The following MYOF variants were observed in gnomAD, a reference collection of about 807,000 sequenced individuals.
The protein encoded by MYOF is myoferlin.
MYOF carries 244 observed loss-of-function variants against 284.2 expected under a neutral mutation model. The ratio of observed to expected loss-of-function variants is 0.86; its 90% confidence interval spans 0.77 to 0.95. The LOEUF (loss-of-function observed/expected upper bound fraction) is 0.95. MYOF is among the 40% of genes least tolerant of loss of function. The pLI is 0.00. For synonymous variants in MYOF, 904 were observed against 919.7 expected (o/e 0.98, Z 0.31); for missense variants, 2,496 against 2,560.6 (o/e 0.97, Z 0.54).
intron 1 of MYOF, among the ~76,000 whole-genome samples, chr10:93,466,867 A>T (rs2057020285): frequency 6.6e-6 from 1 of 152,038 alleles, no homozygotes; most frequent in African/African-American, 2.4e-5. Flanking sequence ...CCAATTACTC[A>T]CTTAGGAGGC....
chr10:93,321,566 A>G (rs889422880), intron 48 of MYOF, among the ~76,000 whole-genome samples: 1 of 151,998 alleles, frequency 6.6e-6, no homozygotes, highest in African/African-American at 2.4e-5. Context: ...TTTGACTATT[A>G]ACTTTTAAGG....
intron 29 of MYOF, among the ~76,000 whole-genome samples, chr10:93,358,967 AT>A (rs1358487810): frequency 2.6e-5 from 4 of 152,148 alleles, no homozygotes; most frequent in Non-Finnish European, 5.9e-5. Context: ...AGACTCATTC[AT>A]TCATTAGCTC....
intron 7 of MYOF, among the ~76,000 whole-genome samples, chr10:93,408,316 G>T (rs1399917843): frequency 6.6e-6 from 1 of 152,234 alleles, no homozygotes; most frequent in East Asian, 1.9e-4. Context: ...TTGTTGGCGG[G>T]TGGATCACTT....
Position 93,316,582 on chromosome 10 carries a change from T to A in MYOF, c.5698+132A>T, listed in dbSNP as rs936380779. On this transcript the variant is annotated intron_variant, in intron 50 of 53. Transcript: ENST00000359263. ...AGAGCTCACACAAGCACTGGGTGTATCCCCTGTCCCCCCACCAGGCCCCCA... is the reference window on the plus strand; with the variant it reads ...AGAGCTCACACAAGCACTGGGTGTAACCCCTGTCCCCCCACCAGGCCCCCA... The A allele has an allele frequency of 5.3e-6, 4 of 752,112 alleles. No homozygotes were observed. In the African/African-American group the frequency reaches 7.0e-5, roughly 13 times the overall value. 46.6% of individuals were successfully genotyped at this position (752,112 alleles called of 1,614,324 possible). A position where few individuals can be genotyped will look rare whatever the true frequency, so the allele number is the denominator to read the frequency against.
In MYOF at chr10:93,373,100, T is replaced by C; in HGVS notation, c.2302-15A>G. 1 of 1,614,068 alleles carries C rather than the reference T, an allele frequency of 6.2e-7. No homozygotes were observed. The highest frequency in any genetic ancestry group is 8.5e-7 in the Non-Finnish European group (1 of 1,179,970). ...CTGTTCTGTGGCTGGTCATGAGGATTGGATGGAAGAGGAAGCACAGCCATG... is the reference window on the plus strand; with the variant it reads ...CTGTTCTGTGGCTGGTCATGAGGATCGGATGGAAGAGGAAGCACAGCCATG... On this transcript the variant is annotated splice_polypyrimidine_tract_variant and intron_variant, in intron 23 of 53. Coordinates refer to ENST00000359263, the MANE Select transcript of MYOF (RefSeq NM_013451.4).
intron 25 of MYOF, among the ~76,000 whole-genome samples, chr10:93,369,325 A>C (rs1845480721): frequency 6.6e-6 from 1 of 151,924 alleles, no homozygotes; most frequent in South Asian, 2.1e-4. Context: ...ATTATTACAG[A>C]GTTCTAGTTT....
intron 26 of MYOF, among the ~76,000 whole-genome samples, chr10:93,364,526 C>T (rs1845235301): frequency 6.6e-6 from 1 of 152,136 alleles, no homozygotes; most frequent in East Asian, 1.9e-4. Context: ...CATGAAGCCA[C>T]ATGTGGCTTG....
chr10:93,444,654 T>A (rs770061085), intron 3 of MYOF, among the ~76,000 whole-genome samples: 1 of 152,246 alleles, frequency 6.6e-6, no homozygotes, highest in Non-Finnish European at 1.5e-5. Context: ...TTTACATCTA[T>A]TGCAGTTTGA....
chr10:93,398,248 G>A (rs1019131371), intron 13 of MYOF, among the ~76,000 whole-genome samples: 13 of 152,030 alleles, frequency 8.6e-5, no homozygotes, highest in African/African-American at 3.1e-4. Flanking sequence ...CTCCCTGCCT[G>A]GATGCCTCCC....
intron 3 of MYOF, among the ~76,000 whole-genome samples, chr10:93,438,428 C>T (rs2056138266): frequency 6.6e-6 from 1 of 152,190 alleles, no homozygotes; most frequent in Non-Finnish European, 1.5e-5. Context: ...AAAATCCCCG[C>T]AAAGGGCTGC....
chr10:93,465,532 TC>T (rs2056985532), intron 1 of MYOF, among the ~76,000 whole-genome samples: 10 of 72,448 alleles, frequency 1.4e-4, no homozygotes, highest in Admixed American at 1.7e-4. Context: ...TTCTTTTTTT[TC>T]TTTTCTTTTT....
chr10:93,454,719 T>G (rs1200875740), intron 2 of MYOF, among the ~76,000 whole-genome samples: 2 of 152,108 alleles, frequency 1.3e-5, no homozygotes, highest in African/African-American at 4.8e-5. Flanking sequence ...GGCTGACGCC[T>G]GTAAACTCAG....
In MYOF at chr10:93,452,051, T is replaced by G; in HGVS notation, c.235A>C (p.Lys79Gln). ...GAAAAACAGGTGAAAACAACTTACT[T>G]ATTTTGTCCAATTGTCTCAAAATCT... Reference protein sequence around the residue: ...VKDFETIGQNKLIGTATVALK... With the variant: ...VKDFETIGQNQLIGTATVALK... Residue 79 changes from lysine to glutamine, a missense_variant and splice_region_variant, in exon 3 of 54, where the codon AAA (lysine) becomes CAA (glutamine). Lys to Gln is a moderately conservative substitution (Grantham distance 53). This residue lies in a region of MYOF where 2,436 missense variants were observed against 2,480.7 expected (regional missense o/e 0.98). Transcript: ENST00000359263. The G allele has an allele frequency of 6.2e-7, 1 of 1,604,872 alleles. No individual in the cohort carries two copies.
intron 1 of MYOF, chr10:93,478,437 G>T: frequency 6.2e-6 from 1 of 160,138 alleles, no homozygotes; most frequent in Non-Finnish European, 1.4e-5. Context: ...CTACACCTGC[G>T]CTGCTGAACA....
intron 5 of MYOF, among the ~76,000 whole-genome samples, chr10:93,418,056 C>T (rs1211203187): frequency 6.6e-6 from 1 of 152,182 alleles, no homozygotes; most frequent in Non-Finnish European, 1.5e-5. Flanking sequence ...CCTGCCTCGG[C>T]CTCCCAAAGT....
intron 53 of MYOF, among the ~76,000 whole-genome samples, chr10:93,307,646 C>T (rs1295117340): frequency 4.4e-4 from 63 of 141,640 alleles, no homozygotes; most frequent in African/African-American, 1.6e-3. Context: ...TTTTTTGAGA[C>T]GGAGTTTTGC....
At chr10:93,441,714 C>T (rs1306216420) in intron 3 of MYOF, among the ~76,000 whole-genome samples, 1 of 151,928 alleles carries the variant, frequency 6.6e-6, no homozygotes, top group Non-Finnish European at 1.5e-5. Context: ...CAGGCGCTTG[C>T]CACCACACGC....
chr10:93,393,848 T>C (rs1299672155), intron 16 of MYOF, among the ~76,000 whole-genome samples: 1 of 152,242 alleles, frequency 6.6e-6, no homozygotes, highest in African/African-American at 2.4e-5. Flanking sequence ...GGTGATGACA[T>C]CTACACTTTG....
intron 1 of MYOF, among the ~76,000 whole-genome samples, chr10:93,466,817 T>A (rs963427182): frequency 1.3e-5 from 2 of 152,026 alleles, no homozygotes; most frequent in South Asian, 2.1e-4. Flanking sequence ...CTACAAAAAA[T>A]TTAAAAATTA....
Sources: gnomAD v4.1 joint callset for allele counts (sites outside exome capture counted in the v4.1 genomes callset) on GRCh38, gnomAD v4.1.1 for gene constraint, gnomAD v4.1.1 regional missense constraint, MANE v1.5 for transcripts, NCBI Gene and HGNC (gene_info 2026-07-23, HGNC 2026-07-21) for gene names.